Variants in EID3 observed in about 807,000 individuals in gnomAD.
EID3 encodes the protein EP300 interacting inhibitor of differentiation 3, also known as EP300-interacting inhibitor of differentiation 3.
A neutral mutation model predicts 1.6 loss-of-function variants in EID3; 3 were observed. That is an observed-to-expected ratio of 1.87 (90% CI 0.85 to 4.83). The LOEUF is 4.83. Ranked by LOEUF, EID3 falls within the 30% of genes most tolerant of loss-of-function variation. The pLI, the probability that EID3 is intolerant of heterozygous loss-of-function variation, is 0.02. For missense variants in EID3, 471 were observed against 409.9 expected, an observed-to-expected ratio of 1.15 and a Z score of -1.29; for synonymous variants, 164 against 148.1, an observed-to-expected ratio of 1.11 and a Z score of -0.78.
Position 104,303,826 on chromosome 12 carries a change from G to T in EID3, c.-109G>T, listed in dbSNP as rs534870248. 1.4e-6 allele frequency: 2 copies of T among 1,423,444 alleles called. No individual in the cohort carries two copies. Among genetic ancestry groups the T allele is most frequent in the African/African-American group, 2.9e-5 (2 of 69,584 alleles). The allele number at this position is 1,423,444 out of a possible 1,614,324, so 88.2% of individuals were successfully genotyped here. ...CAGAGATACCCGTGGCCGGCATGTT[G>T]GTTGAAAAAGCTTCCCGGAAGGGAG... On this transcript the variant is annotated 5_prime_UTR_variant, in exon 1 of 1. Transcript: ENST00000527879.
At position 104,304,767 on chromosome 12, in the gene EID3, A is replaced by G. The variant is rs2034817998; in HGVS notation, c.833A>G (p.Asp278Gly). 1 of 1,614,002 alleles carries G rather than the reference A, an allele frequency of 6.2e-7. No homozygotes were observed. The highest frequency in any genetic ancestry group is 1.7e-5 in the Admixed American group (1 of 60,024). ...TTTGCAAGAATAAGGCTTGATGAAG[A>G]CAGGCTGCCAATATTAGAGCCGATG... ...DGFARIRLDE[D>G]RLPILEPMNV... Residue 278 changes from aspartate to glycine, a missense_variant, in exon 1 of 1, where the codon GAC (aspartate) becomes GGC (glycine). Coordinates refer to ENST00000527879, the MANE Select transcript of EID3 (RefSeq NM_001008394.3).
In EID3 at chr12:104,304,528, T is replaced by C; in HGVS notation, c.594T>C (p.Asn198=). The change falls in exon 1 of 1, where the codon AAT becomes AAC. Residue 198 remains asparagine, a synonymous_variant. Transcript: ENST00000527879. ...AAAAAGTTCGCAAGATGGAAGAAAA[T>C]GGCAACATGCCTACAAAGTTGCAGA... ...HQKKVRKMEE[N]GNMPTKLQKL... The C allele has an allele frequency of 1.9e-6, 3 of 1,613,948 alleles. No individual in the cohort carries two copies. The highest frequency in any genetic ancestry group is 2.5e-6 in the Non-Finnish European group (3 of 1,179,870).
chr12:104,303,918 C>T lies in EID3; in HGVS notation c.-17C>T, dbSNP rs779851686. On this transcript the variant is annotated 5_prime_UTR_variant, in exon 1 of 1. Coordinates refer to ENST00000527879, the MANE Select transcript of EID3 (RefSeq NM_001008394.3). The stretch of plus-strand genomic sequence containing the variant: ...AGCGAGTACGCGGCGAAGTAGGCGG[C>T]GGCGGAGGGAGCGCTGATGAAGATG... 8.3e-6 allele frequency: 13 copies of T among 1,565,730 alleles called. No individual in the cohort carries two copies. The Middle Eastern group carries it at 1.1e-3, about 134-fold the overall frequency.
chr12:104,304,336 C>G lies in EID3; in HGVS notation c.402C>G (p.Gly134=). Residue 134 remains glycine (G), a synonymous_variant, in exon 1 of 1, where the codon GGC becomes GGG. Transcript: ENST00000527879. The part of the protein sequence containing the change: ...FLFVGLNWME[G]DPDKLSDCDD... ...TCGTGGGTCTGAATTGGATGGAAGG[C>G]GATCCTGACAAGTTGAGTGATTGTG... The G allele has an allele frequency of 6.2e-7, 1 of 1,613,974 alleles. No individual in the cohort carries two copies. Among genetic ancestry groups the G allele is most frequent in the Non-Finnish European group, 8.5e-7 (1 of 1,179,898 alleles).
rs1437547994 is a variant in EID3 at position 104,304,159 on chromosome 12, C to T, written c.225C>T (p.Val75=). Residue 75 remains valine, a synonymous_variant, in exon 1 of 1, where the codon GTC becomes GTT. Coordinates refer to ENST00000527879, the MANE Select transcript of EID3 (RefSeq NM_001008394.3). ...SLTEALEEAN[V]LFDGVSRTRE... ...CCGAGGCTCTGGAGGAAGCCAACGTCCTCTTTGATGGCGTGAGCCGAACCA... is the reference window on the plus strand; with the variant it reads ...CCGAGGCTCTGGAGGAAGCCAACGTTCTCTTTGATGGCGTGAGCCGAACCA... The T allele has an allele frequency of 1.2e-6, 2 of 1,613,964 alleles. No homozygotes were observed. Among genetic ancestry groups the T allele is most frequent in the Non-Finnish European group, 8.5e-7 (1 of 1,179,912 alleles).
chr12:104,304,434 C>CA lies in EID3; in HGVS notation c.501dup (p.Phe168IlefsTer20). ...ACATCCTGGATGGTAAAAGCTGAGACATTCCATTTTGTTTTTGGTTCATTC... is the reference window on the plus strand; with the variant it reads ...ACATCCTGGATGGTAAAAGCTGAGACAATTCCATTTTGTTTTTGGTTCATTC... On this transcript the variant is annotated frameshift_variant, in exon 1 of 1. Transcript: ENST00000527879. LOFTEE classifies it low-confidence loss of function (END_TRUNC). 6.2e-7 allele frequency: 1 copy of CA among 1,614,000 alleles called. No individual in the cohort carries two copies. Among genetic ancestry groups the CA allele is most frequent in the Admixed American group, 1.7e-5 (1 of 60,018 alleles).
In EID3 at chr12:104,304,561, C is replaced by T. The variant is rs760835291; in HGVS notation, c.627C>T (p.Asp209=). The stretch of plus-strand genomic sequence containing the variant: ...TGCCTACAAAGTTGCAGAAGTTGGA[C>T]CTGAGTAGTTATCCAGAAGCGACAG... ...GNMPTKLQKL[D]LSSYPEATEK... Residue 209 remains aspartate (D), a synonymous_variant, in exon 1 of 1, where the codon GAC becomes GAT. Coordinates refer to ENST00000527879, the MANE Select transcript of EID3 (RefSeq NM_001008394.3). 1.2e-6 allele frequency: 2 copies of T among 1,614,010 alleles called. No individual in the cohort carries two copies. Among genetic ancestry groups the T allele is most frequent in the Non-Finnish European group, 1.7e-6 (2 of 1,179,890 alleles).
At position 104,303,811 on chromosome 12, in the gene EID3, C is replaced by A. The variant is rs1434220400; in HGVS notation, c.-124C>A. ...GGAGGGCCGTTACCTCAGAGATACC[C>A]GTGGCCGGCATGTTGGTTGAAAAAG... On this transcript the variant is annotated 5_prime_UTR_variant, in exon 1 of 1. Transcript: ENST00000527879. The A allele has an allele frequency of 1.4e-6, 2 of 1,389,120 alleles. No homozygotes were observed. Among genetic ancestry groups the A allele is most frequent in the South Asian group, 3.0e-5 (2 of 66,334 alleles). The allele number at this position is 1,389,120 out of a possible 1,614,324, so 86.0% of individuals were successfully genotyped here. A position where few individuals can be genotyped will look rare whatever the true frequency, so the allele number is the denominator to read the frequency against.
chr12:104,303,830 G>GA lies in EID3; in HGVS notation c.-100dup. Reference sequence around the variant, plus strand: ...GATACCCGTGGCCGGCATGTTGGTTGAAAAAGCTTCCCGGAAGGGAGACGA... The same window carrying GA: ...GATACCCGTGGCCGGCATGTTGGTTGAAAAAAGCTTCCCGGAAGGGAGACGA... On this transcript the variant is annotated 5_prime_UTR_variant, in exon 1 of 1. It introduces an in-frame stop codon into an upstream open reading frame of the 5' UTR. Transcript: ENST00000527879. 1 of 1,432,454 alleles carries GA rather than the reference G, an allele frequency of 7.0e-7. No homozygotes were observed. The highest frequency in any genetic ancestry group is 9.1e-7 in the Non-Finnish European group (1 of 1,096,402). 88.7% of individuals were successfully genotyped at this position (1,432,454 alleles called of 1,614,324 possible). A position where few individuals can be genotyped will look rare whatever the true frequency, so the allele number is the denominator to read the frequency against.
In EID3 at chr12:104,305,028, A is replaced by G; in HGVS notation, c.*92A>G. The G allele has an allele frequency of 7.8e-7, 1 of 1,279,514 alleles. No homozygotes were observed. Among genetic ancestry groups the G allele is most frequent in the Non-Finnish European group, 1.1e-6 (1 of 948,252 alleles). 79.3% of individuals were successfully genotyped at this position (1,279,514 alleles called of 1,614,324 possible). A position where few individuals can be genotyped will look rare whatever the true frequency, so the allele number is the denominator to read the frequency against. ...CTGAAGCACATATTGTATCTCTTGT[A>G]AAGTGAAAAAGTATTTTCAAGAACA... is the stretch of plus-strand genomic sequence containing the variant. On this transcript the variant is annotated 3_prime_UTR_variant, in exon 1 of 1. Transcript: ENST00000527879.
Position 104,304,321 on chromosome 12 carries a change from G to C in EID3, c.387G>C (p.Leu129=). ...FCDFLFLFVG[L]NWMEGDPDKL... ...ACTTTCTGTTTCTGTTCGTGGGTCTGAATTGGATGGAAGGCGATCCTGACA... is the reference window on the plus strand; with the variant it reads ...ACTTTCTGTTTCTGTTCGTGGGTCTCAATTGGATGGAAGGCGATCCTGACA... Residue 129 remains leucine, a synonymous_variant, in exon 1 of 1, where the codon CTG becomes CTC. Coordinates refer to ENST00000527879, the MANE Select transcript of EID3 (RefSeq NM_001008394.3). The C allele has an allele frequency of 6.2e-7, 1 of 1,614,056 alleles. No homozygotes were observed. Among genetic ancestry groups the C allele is most frequent in the Non-Finnish European group, 8.5e-7 (1 of 1,179,908 alleles).
In EID3 at chr12:104,304,549, G is replaced by A. The variant is rs773102131; in HGVS notation, c.615G>A (p.Leu205=). ...AAAATGGCAACATGCCTACAAAGTT[G>A]CAGAAGTTGGACCTGAGTAGTTATC... is the stretch of plus-strand genomic sequence containing the variant. ...MEENGNMPTK[L]QKLDLSSYPE... is the part of the protein sequence containing the mutation. The change falls in exon 1 of 1, where the codon TTG becomes TTA. Residue 205 remains leucine (L), a synonymous_variant. Coordinates refer to ENST00000527879, the MANE Select transcript of EID3 (RefSeq NM_001008394.3). 6.2e-7 allele frequency: 1 copy of A among 1,613,918 alleles called. No individual in the cohort carries two copies. Among genetic ancestry groups the A allele is most frequent in the African/African-American group, 1.3e-5 (1 of 74,940 alleles).
Position 104,304,627 on chromosome 12 carries a change from CT to C in EID3, c.696del (p.Arg233GlufsTer14). 1.2e-6 allele frequency: 2 copies of C among 1,613,900 alleles called. No individual in the cohort carries two copies. The highest frequency in any genetic ancestry group is 1.7e-6 in the Non-Finnish European group (2 of 1,179,806). Reference protein sequence around the residue: ...ERILGLLQTYFRKYPDTPVSY... With the variant: ...ERILGLLQTYXRKYPDTPVSY... ...GGATTTTGGGATTGTTGCAAACCTACTTTCGAAAGTATCCTGATACTCCTGT... is the reference window on the plus strand; with the variant it reads ...GGATTTTGGGATTGTTGCAAACCTACTTCGAAAGTATCCTGATACTCCTGT... On this transcript the variant is annotated frameshift_variant, in exon 1 of 1. Coordinates refer to ENST00000527879, the MANE Select transcript of EID3 (RefSeq NM_001008394.3). LOFTEE classifies it low-confidence loss of function (END_TRUNC).
In EID3 at chr12:104,303,939, A is replaced by G; in HGVS notation, c.5A>G (p.Lys2Arg). ...GCGGCGGCGGAGGGAGCGCTGATGA[A>G]GATGGATGTGTCAGTGAGGGCCGCG... M[K>R]MDVSVRAAGC... Residue 2 changes from lysine (K) to arginine (R), a missense_variant, in exon 1 of 1, where the codon AAG becomes AGG. By Grantham distance (26) the Lys-to-Arg change is conservative. Transcript: ENST00000527879. 6.3e-7 allele frequency: 1 copy of G among 1,594,342 alleles called. No individual in the cohort carries two copies. Among genetic ancestry groups the G allele is most frequent in the Non-Finnish European group, 8.5e-7 (1 of 1,175,156 alleles).
rs754510884 is a variant in EID3 at position 104,304,597 on chromosome 12, A to G, written c.663A>G (p.Val221=). The change falls in exon 1 of 1, where the codon GTA becomes GTG. Residue 221 remains valine, a synonymous_variant. Transcript: ENST00000527879. ...SSYPEATEKN[V]ERILGLLQTY... ...ATCCAGAAGCGACAGAAAAAAACGT[A>G]GAAAGGATTTTGGGATTGTTGCAAA... is the stretch of plus-strand genomic sequence containing the variant. 2.1e-5 allele frequency: 34 copies of G among 1,614,002 alleles called. No individual in the cohort carries two copies. The highest frequency in any genetic ancestry group is 2.9e-5 in the Non-Finnish European group (34 of 1,179,846).
In EID3 at chr12:104,303,773, T is replaced by C. The variant is rs971192056; in HGVS notation, c.-162T>C. The C allele has an allele frequency of 1.0e-5, 13 of 1,241,012 alleles. No homozygotes were observed. The East Asian group carries it at 3.5e-4, about 34-fold the overall frequency. The allele number at this position is 1,241,012 out of a possible 1,614,324, so 76.9% of individuals were successfully genotyped here. A position where few individuals can be genotyped will look rare whatever the true frequency, so the allele number is the denominator to read the frequency against. On this transcript the variant is annotated 5_prime_UTR_variant, in exon 1 of 1. Transcript: ENST00000527879. ...CGTCCTCGGCTCTAACTGCCGCCAC[T>C]TTCCACACGCTGGGAGGGCCGTTAC...
chr12:104,304,809 G>A lies in EID3; in HGVS notation c.875G>A (p.Gly292Asp), dbSNP rs753356677. Residue 292 changes from glycine to aspartate, a missense_variant, in exon 1 of 1, where the codon GGT (glycine) becomes GAT (aspartate). Gly to Asp is a moderately conservative substitution (Grantham distance 94). Coordinates refer to ENST00000527879, the MANE Select transcript of EID3 (RefSeq NM_001008394.3). ...ILEPMNVNQM[G>D]EGNDSSCHGR... ...GAGCCGATGAATGTTAACCAAATGG[G>A]TGAGGGAAATGATTCCAGTTGCCAT... 2.5e-6 allele frequency: 4 copies of A among 1,614,050 alleles called. No homozygotes were observed. Among genetic ancestry groups the A allele is most frequent in the Non-Finnish European group, 3.4e-6 (4 of 1,179,900 alleles).
rs936674297 is a variant in EID3 at position 104,303,838 on chromosome 12, T to C, written c.-97T>C. 3.6e-5 allele frequency: 52 copies of C among 1,435,224 alleles called. No homozygotes were observed. The highest frequency in any genetic ancestry group is 3.8e-5 in the Non-Finnish European group (42 of 1,098,380). 88.9% of individuals were successfully genotyped at this position (1,435,224 alleles called of 1,614,324 possible). A position where few individuals can be genotyped will look rare whatever the true frequency, so the allele number is the denominator to read the frequency against. ...TGGCCGGCATGTTGGTTGAAAAAGC[T>C]TCCCGGAAGGGAGACGAAGAGAAAG... On this transcript the variant is annotated 5_prime_UTR_variant, in exon 1 of 1. Transcript: ENST00000527879.
Position 104,304,084 on chromosome 12 carries a change from C to T in EID3, c.150C>T (p.Cys50=). The T allele has an allele frequency of 3.7e-6, 6 of 1,613,954 alleles. No homozygotes were observed. Among genetic ancestry groups the T allele is most frequent in the Non-Finnish European group, 5.1e-6 (6 of 1,179,912 alleles). ...GGCAGTACCGGCAGCTCATGTACTGCGTGCGGCAGAACCGGGAGGACATCG... is the reference window on the plus strand; with the variant it reads ...GGCAGTACCGGCAGCTCATGTACTGTGTGCGGCAGAACCGGGAGGACATCG... ...IRRQYRQLMY[C]VRQNREDIVS... Residue 50 remains cysteine (C), a synonymous_variant, in exon 1 of 1, where the codon TGC becomes TGT. Transcript: ENST00000527879.
Sources: gnomAD v4.1 joint callset for allele counts on GRCh38, gnomAD v4.1.1 for gene constraint, MANE v1.5 for transcripts, NCBI Gene and HGNC (gene_info 2026-07-23, HGNC 2026-07-21) for gene names.